The following PACRGL variants were observed in gnomAD, a reference collection of about 807,000 sequenced individuals.
PACRGL encodes the protein PACRG-like protein.
In PACRGL, 38 loss-of-function variants were observed where a neutral mutation model predicts 34.5. That is an observed-to-expected ratio of 1.10 (90% CI 0.85 to 1.44). The LOEUF is 1.44. PACRGL is among the 40% of genes most tolerant of loss of function. The pLI is 0.00. For synonymous variants in PACRGL, 128 were observed against 100.1 expected, an observed-to-expected ratio of 1.28 and a Z score of -1.66; for missense variants, 305 against 281.4, an observed-to-expected ratio of 1.08 and a Z score of -0.60.
intron 7 of PACRGL, among the ~76,000 whole-genome samples, chr4:20,714,453 A>G (rs897542284): frequency 3.3e-5 from 5 of 152,112 alleles, no homozygotes; most frequent in Admixed American, 6.6e-5. Context: ...TCTTTATCCA[A>G]TATGCCAGTC....
chr4:20,750,453 ACT>A (rs1293752770), intron 8 of PACRGL, among the ~76,000 whole-genome samples: 1 of 151,906 alleles, frequency 6.6e-6, no homozygotes, highest in East Asian at 1.9e-4. Context: ...GGGAGCCCCT[ACT>A]CTGTCTGGGT....
chr4:20,714,842 C>T (rs1739052166), intron 7 of PACRGL, among the ~76,000 whole-genome samples: 1 of 152,226 alleles, frequency 6.6e-6, no homozygotes, highest in Non-Finnish European at 1.5e-5. Flanking sequence ...TAAAGTAGTT[C>T]AACCATTGTG....
At chr4:20,719,200 G>A (rs540142356) in intron 7 of PACRGL, among the ~76,000 whole-genome samples, 13 of 151,990 alleles carry the variant, frequency 8.6e-5, no homozygotes, top group Admixed American at 3.3e-4. Context: ...TTTTTATTGC[G>A]TCTATTTGAT....
In PACRGL at chr4:20,730,156, A is replaced by G; in HGVS notation, c.*2815A>G. Reference sequence around the variant, plus strand: ...TGTAAGGGAGAAACACAGAGCGATTAAATTCAGCATATCTGCAAGGAAAAG... The same window carrying G: ...TGTAAGGGAGAAACACAGAGCGATTGAATTCAGCATATCTGCAAGGAAAAG... On this transcript the variant is annotated 3_prime_UTR_variant, in exon 9 of 9. Coordinates refer to ENST00000503585, the MANE Select transcript of PACRGL (RefSeq NM_001258345.3). 2 of 1,591,188 alleles carry G rather than the reference A, an allele frequency of 1.3e-6. No individual in the cohort carries two copies. The highest frequency in any genetic ancestry group is 8.5e-7 in the Non-Finnish European group (1 of 1,170,244).
At chr4:20,745,378 G>A (rs1212211614) in intron 8 of PACRGL, among the ~76,000 whole-genome samples, 2 of 152,122 alleles carry the variant, frequency 1.3e-5, no homozygotes, top group African/African-American at 4.8e-5. Context: ...TTTTTATCCT[G>A]TGGGATGATA....
At chr4:20,719,853 G>A (rs1742132264) in intron 7 of PACRGL, among the ~76,000 whole-genome samples, 1 of 151,974 alleles carries the variant, frequency 6.6e-6, no homozygotes, top group Non-Finnish European at 1.5e-5. Context: ...GGTCTGCTTG[G>A]TGCAGAGGTG....
chr4:20,748,547 C>T (rs1396407251), intron 8 of PACRGL, among the ~76,000 whole-genome samples: 1 of 130,014 alleles, frequency 7.7e-6, no homozygotes, highest in Non-Finnish European at 1.6e-5. Context: ...AAAATAAATG[C>T]ACCTTCCAAA....
chr4:20,748,354 T>C lies in PACRGL; in HGVS notation c.*57-4211T>C, dbSNP rs189988611. 4.2e-3 allele frequency among the ~76,000 whole-genome samples: 638 copies of C among 152,084 alleles called. 8 individuals are homozygous for C. The highest frequency in any genetic ancestry group is 0.012 in the Admixed American group (176 of 15,246). On this transcript the variant is annotated intron_variant, in intron 8 of 8. Transcript: ENST00000507634. ...CCCATCCCATTCCAAGCCTTTGTTC[T>C]CTTAAGGAGCTCCTGACTGTCCTTT...
downstream of PACRGL, among the ~76,000 whole-genome samples, chr4:20,756,454 G>A (rs1393373336): frequency 6.6e-6 from 1 of 152,110 alleles, no homozygotes; most frequent in African/African-American, 2.4e-5. Context: ...AGTCTTCCCT[G>A]TGTATAAACA....
chr4:20,752,128 G>A (rs186493516), intron 8 of PACRGL, among the ~76,000 whole-genome samples: 1 of 143,666 alleles, frequency 7.0e-6, no homozygotes, highest in African/African-American at 2.6e-5. Context: ...GCACGATCTC[G>A]GGTCACTGCA....
chr4:20,739,665 G>C (rs1442685250), intron 8 of PACRGL, among the ~76,000 whole-genome samples: 1 of 152,178 alleles, frequency 6.6e-6, no homozygotes, highest in African/African-American at 2.4e-5. Flanking sequence ...GCTGAAAAGT[G>C]TAAAAATCAG....
chr4:20,707,031 G>A (rs974859747), intron 3 of PACRGL, among the ~76,000 whole-genome samples: 1 of 152,040 alleles, frequency 6.6e-6, no homozygotes, highest in Non-Finnish European at 1.5e-5. Flanking sequence ...AAATTATCTA[G>A]TTATATCTTT....
chr4:20,734,362 A>T (rs181057063), downstream of PACRGL, among the ~76,000 whole-genome samples: 1 of 152,110 alleles, frequency 6.6e-6, no homozygotes, highest in Non-Finnish European at 1.5e-5. Flanking sequence ...TCTGATTCCA[A>T]CCATGATCTT....
chr4:20,746,864 G>T (rs1162091902), intron 8 of PACRGL, among the ~76,000 whole-genome samples: 1 of 152,120 alleles, frequency 6.6e-6, no homozygotes, highest in Non-Finnish European at 1.5e-5. Context: ...CGTAGAATCA[G>T]ATGGTCTCTC....
chr4:20,766,285 G>T, the PACRGL span, among the ~76,000 whole-genome samples: 1 of 152,150 alleles, frequency 6.6e-6, no homozygotes, highest in Non-Finnish European at 1.5e-5. Flanking sequence ...AGCAACTTTA[G>T]AGGCCAGGCA....
chr4:20,721,375 T>A (rs1403290327), intron 7 of PACRGL, among the ~76,000 whole-genome samples: 4 of 152,198 alleles, frequency 2.6e-5, no homozygotes, highest in Admixed American at 2.6e-4. Context: ...TGAGGAGTTG[T>A]GTTCCTTTGG....
In PACRGL at chr4:20,730,074, T is replaced by TTGACAAGTTAAATCACATTTTC. The variant is rs1747602647; in HGVS notation, c.*2734_*2755dup. 1 of 1,607,172 alleles carries TTGACAAGTTAAATCACATTTTC rather than the reference T, an allele frequency of 6.2e-7. No individual in the cohort carries two copies. On this transcript the variant is annotated 3_prime_UTR_variant, in exon 9 of 9. Transcript: ENST00000503585. ...TTTGTCTGTTGGATTCAGGATCTAT[T>TTGACAAGTTAAATCACATTTTC]TGACAAGTTAAATCACATTTTCAAA...
Position 20,729,620 on chromosome 4 carries a change from T to TTC in PACRGL, c.*2279_*2280insTC, listed in dbSNP as rs1479301002. ...TTCCTTAAAGTATATAAATGGAATT[T>TTC]AAATGGAATTACAGCATTCAAACAT... is the stretch of plus-strand genomic sequence containing the variant. On this transcript the variant is annotated 3_prime_UTR_variant, in exon 9 of 9. Coordinates refer to ENST00000503585, the MANE Select transcript of PACRGL (RefSeq NM_001258345.3). 1 of 69,982 alleles carries TTC rather than the reference T, an allele frequency of 1.4e-5. No homozygotes were observed. Among genetic ancestry groups the TTC allele is most frequent in the African/African-American group, 7.5e-5 (1 of 13,344 alleles). The allele number at this position is 69,982 out of a possible 1,614,324, so 4.3% of individuals were successfully genotyped here.
rs540570949 is a variant in PACRGL, at chr4:20,732,534, C to CTATT, written c.*5194_*5197dup. 7.6e-4 allele frequency: 499 copies of CTATT among 656,672 alleles called. 1 individual carries two copies. Among genetic ancestry groups the CTATT allele is most frequent in the Non-Finnish European group, 1.2e-3 (426 of 369,816 alleles). 40.7% of individuals were successfully genotyped at this position (656,672 alleles called of 1,614,324 possible). ...CAGCATTGTAAATTCAAAACCAAAG[C>CTATT]TATTAAATTAATAGGATGCTAAATA... On this transcript the variant is annotated 3_prime_UTR_variant, in exon 9 of 9. Coordinates refer to ENST00000503585, the MANE Select transcript of PACRGL (RefSeq NM_001258345.3).
Sources: allele counts gnomAD v4.1 joint callset (sites outside exome capture counted in the v4.1 genomes callset), GRCh38; gene constraint gnomAD v4.1.1; transcripts MANE v1.5; gene names NCBI Gene and HGNC (gene_info 2026-07-23, HGNC 2026-07-21).